The following MTFR1 variants were observed in gnomAD, a reference collection of about 807,000 sequenced individuals.
MTFR1 encodes mitochondrial fission regulator 1.
A neutral mutation model predicts 38.8 loss-of-function variants in MTFR1; 28 were observed. The observed-to-expected ratio is 0.72, with a 90% CI of 0.53 to 0.99. MTFR1 has a LOEUF of 0.99. MTFR1 is among the 50% of genes least tolerant of loss of function. The probability of loss-of-function intolerance (pLI) is 0.00; values close to 1 mark genes in which losing one functional copy is unlikely to be tolerated. For synonymous variants in MTFR1, 145 were observed against 137.0 expected (o/e 1.06, Z -0.41); for missense variants, 358 against 395.5 (o/e 0.91, Z 0.81).
At chr8:65,706,986 GTT>G (rs775504148) in intron 5 of MTFR1, 22 bp from the exon 6 acceptor site, 1 of 1,561,722 alleles carries the variant, frequency 6.4e-7, no homozygotes, top group South Asian at 1.2e-5. Context: ...GTGGGATTAA[GTT>G]TGTTTTCCTT....
At chr8:65,677,422 T>C (rs1376515462) in intron 2 of MTFR1, among the ~76,000 whole-genome samples, 3 of 139,418 alleles carry the variant, frequency 2.2e-5, no homozygotes, top group African/African-American at 8.1e-5. Context: ...TCTTGCTCTG[T>C]CCCAGGCAGG....
chr8:65,709,454 A>C lies in MTFR1; in HGVS notation c.*410A>C, dbSNP rs1442830621. ...GTTTATGTAAAATTAGTAATGAATG[A>C]TGGCAACGAGGGCACTGTTATCTTC... On this transcript the variant is annotated 3_prime_UTR_variant, in exon 8 of 8. Transcript: ENST00000262146. 2 of 158,018 alleles carry C rather than the reference A, an allele frequency of 1.3e-5. No homozygotes were observed. The highest frequency in any genetic ancestry group is 4.8e-5 in the African/African-American group (2 of 41,610). 9.8% of individuals were successfully genotyped at this position (158,018 alleles called of 1,614,324 possible).
At chr8:65,688,735 G>A (rs1278208224) in intron 3 of MTFR1, among the ~76,000 whole-genome samples, 3 of 151,356 alleles carry the variant, frequency 2.0e-5, no homozygotes, top group African/African-American at 2.4e-5. Context: ...GTAAGCCACC[G>A]CGCCCAGCCT....
intron 2 of MTFR1, among the ~76,000 whole-genome samples, chr8:65,674,597 A>G (rs1329593918): frequency 6.6e-6 from 1 of 152,084 alleles, no homozygotes; most frequent in Non-Finnish European, 1.5e-5. Flanking sequence ...AGACTATAAG[A>G]GTGAGACCCT....
At position 65,670,110 on chromosome 8, in the gene MTFR1, C is replaced by T. The variant is rs559342332; in HGVS notation, c.66+92C>T. The T allele has an allele frequency of 3.0e-5, 32 of 1,055,948 alleles. 1 individual carries two copies. The African/African-American group carries it at 4.2e-4, about 14-fold the overall frequency. The allele number at this position is 1,055,948 out of a possible 1,614,324, so 65.4% of individuals were successfully genotyped here. On this transcript the variant is annotated intron_variant, in intron 2 of 7. Transcript: ENST00000262146. ...ATGAAATAAATCTATATATGACCAA[C>T]ATCTTGAATTCAATATGTTTATGTA...
intron 3 of MTFR1, among the ~76,000 whole-genome samples, chr8:65,737,232 T>G (rs1807177989): frequency 6.6e-6 from 1 of 152,106 alleles, no homozygotes; most frequent in Admixed American, 6.5e-5. Flanking sequence ...AATGGATTCC[T>G]TATGGCTTTA....
chr8:65,751,290 A>AT (rs369511298), intron 3 of MTFR1, among the ~76,000 whole-genome samples: 12 of 152,096 alleles, frequency 7.9e-5, no homozygotes, highest in African/African-American at 2.7e-4. Context: ...GTCTGGTTTG[A>AT]TTTTTTTCAT....
chr8:65,707,284 C>T (rs1369588654), intron 6 of MTFR1, 28 bp downstream of exon 6: 6 of 1,594,818 alleles, frequency 3.8e-6, no homozygotes, highest in African/African-American at 1.3e-5. Context: ...TTCTTTCTTC[C>T]CCATTTGTTT....
At chr8:65,735,999 AG>A (rs1187634739) in intron 3 of MTFR1, among the ~76,000 whole-genome samples, 7 of 152,186 alleles carry the variant, frequency 4.6e-5, no homozygotes, top group Non-Finnish European at 1.0e-4. Context: ...CAAGACCCCC[AG>A]TGGATGCCTG....
At chr8:65,659,366 G>A (rs1449912717) in intron 1 of MTFR1, among the ~76,000 whole-genome samples, 1 of 151,014 alleles carries the variant, frequency 6.6e-6, no homozygotes, top group African/African-American at 2.4e-5. Context: ...GCAGAAGGGT[G>A]CCACTTGCAT....
chr8:65,771,246 T>TA (rs1259474596), exon 4 of MTFR1: 2 of 152,986 alleles, frequency 1.3e-5, no homozygotes, highest in Non-Finnish European at 2.9e-5. Flanking sequence ...ACTGTACATA[T>TA]AAAAAATCTT....
intron 3 of MTFR1, among the ~76,000 whole-genome samples, chr8:65,693,059 A>G (rs1805329691): frequency 6.6e-6 from 1 of 151,922 alleles, no homozygotes. Context: ...GTGGTTTCTC[A>G]TGCTTAGATT....
At chr8:65,663,930 C>T (rs544147449) in intron 1 of MTFR1, among the ~76,000 whole-genome samples, 125 of 150,408 alleles carry the variant, frequency 8.3e-4, no homozygotes, top group African/African-American at 2.8e-3. Context: ...TGGGCTCAGA[C>T]GATTCTCCTG....
At chr8:65,761,502 C>A (rs1383100139) in intron 3 of MTFR1, among the ~76,000 whole-genome samples, 2 of 152,228 alleles carry the variant, frequency 1.3e-5, no homozygotes, top group African/African-American at 4.8e-5. Flanking sequence ...AAGTCCCAGG[C>A]TTGTGCTAGT....
intron 6 of MTFR1, 94 bp downstream of exon 6, chr8:65,707,350 G>A (rs1377684103): frequency 1.3e-5 from 17 of 1,299,808 alleles, no homozygotes; most frequent in African/African-American, 3.0e-5. Context: ...TAACATGACT[G>A]CCATGAATAG....
chr8:65,689,664 G>T (rs1210839345), intron 3 of MTFR1: 1 of 1,123,604 alleles, frequency 8.9e-7, no homozygotes, highest in African/African-American at 1.6e-5. Context: ...GTATTTCCAA[G>T]AATTTCTTAA....
downstream of MTFR1, among the ~76,000 whole-genome samples, chr8:65,713,573 A>AG (rs1215327785): frequency 1.3e-5 from 2 of 152,210 alleles, no homozygotes; most frequent in African/African-American, 4.8e-5. Flanking sequence ...TAGGACATGT[A>AG]GGTATAAGAC....
At chr8:65,754,831 G>T (rs949945742) in intron 3 of MTFR1, among the ~76,000 whole-genome samples, 1 of 149,042 alleles carries the variant, frequency 6.7e-6, no homozygotes, top group South Asian at 2.1e-4. Context: ...TGGGCATGGT[G>T]GCATGCACCT....
At chr8:65,711,315 G>GTGTC (rs898004347), downstream of MTFR1, among the ~76,000 whole-genome samples, 39 of 152,260 alleles carry the variant, frequency 2.6e-4, no homozygotes, top group African/African-American at 8.9e-4. Context: ...GAATGCCTAT[G>GTGTC]TGTCTGTCTC....
Sources: gnomAD v4.1 joint callset for allele counts (sites outside exome capture counted in the v4.1 genomes callset) on GRCh38, gnomAD v4.1.1 for gene constraint, MANE v1.5 for transcripts, NCBI Gene and HGNC (gene_info 2026-07-23, HGNC 2026-07-21) for gene names.